NRG1: variants seen among roughly 807,000 people sequenced by gnomAD.
The protein encoded by NRG1 is pro-neuregulin-1, membrane-bound isoform.
Under a neutral mutation model 63.8 loss-of-function variants are expected in NRG1, and 18 were observed. That is an observed-to-expected ratio of 0.28 (90% CI 0.19 to 0.42). The LOEUF (loss-of-function observed/expected upper bound fraction) is 0.42, where lower values mean the gene tolerates loss of function less well. Ranked by LOEUF, NRG1 falls within the 10% of genes least tolerant of loss-of-function variation. The pLI is 1.00. For synonymous variants in NRG1, 302 were observed against 301.3 expected, an observed-to-expected ratio of 1.00 and a Z score of -0.02; for missense variants, 762 against 814.7, an observed-to-expected ratio of 0.94 and a Z score of 0.79.
intron 1 of NRG1, among the ~76,000 whole-genome samples, chr8:32,119,536 G>A (rs988789406): frequency 6.6e-6 from 1 of 152,068 alleles, no homozygotes; most frequent in Non-Finnish European, 1.5e-5. Context: ...TTGGGCTCAT[G>A]TTTAAACTAT....
intron 5 of NRG1, among the ~76,000 whole-genome samples, chr8:32,659,715 C>T (rs1378025400): frequency 6.6e-6 from 1 of 152,196 alleles, no homozygotes; most frequent in African/African-American, 2.4e-5. Context: ...TCTTCCCTAA[C>T]TCCAGCTGTC....
chr8:32,526,840 G>A (rs911861004), intron 1 of NRG1, among the ~76,000 whole-genome samples: 1 of 152,106 alleles, frequency 6.6e-6, no homozygotes, highest in African/African-American at 2.4e-5. Flanking sequence ...CTGACTCACA[G>A]GCTCCTTTGT....
chr8:32,028,850 A>G (rs919524399), intron 1 of NRG1, among the ~76,000 whole-genome samples: 3 of 152,212 alleles, frequency 2.0e-5, no homozygotes, highest in Non-Finnish European at 2.9e-5. Flanking sequence ...CAATTGATAC[A>G]TTTAATAACA....
intron 1 of NRG1, among the ~76,000 whole-genome samples, chr8:31,905,390 T>A (rs1315875159): frequency 6.6e-6 from 1 of 152,196 alleles, no homozygotes; most frequent in Non-Finnish European, 1.5e-5. Context: ...CACTTGAGTT[T>A]CTGGAGACAA....
intron 5 of NRG1, among the ~76,000 whole-genome samples, chr8:32,632,622 A>G (rs1414588793): frequency 6.6e-5 from 10 of 152,156 alleles, no homozygotes; most frequent in Admixed American, 4.6e-4. Flanking sequence ...ATAAGGATAA[A>G]AAATTCAGAT....
At chr8:31,898,667 G>A (rs979923801) in intron 1 of NRG1, among the ~76,000 whole-genome samples, 2 of 152,076 alleles carry the variant, frequency 1.3e-5, no homozygotes, top group African/African-American at 2.4e-5. Context: ...TTGCACCACT[G>A]CCCTCCAGCC....
intron 1 of NRG1, among the ~76,000 whole-genome samples, chr8:31,995,915 C>A (rs1226858792): frequency 6.6e-6 from 1 of 151,698 alleles, no homozygotes; most frequent in East Asian, 1.9e-4. Context: ...TCCTTTTTTT[C>A]TATTTCCGTA....
At chr8:32,013,110 G>A (rs1815008932) in intron 1 of NRG1, among the ~76,000 whole-genome samples, 1 of 152,006 alleles carries the variant, frequency 6.6e-6, no homozygotes. Context: ...GATGCCTGAT[G>A]GATAAACTAG....
chr8:32,466,887 G>A (rs1458653174), intron 1 of NRG1, among the ~76,000 whole-genome samples: 2 of 151,830 alleles, frequency 1.3e-5, no homozygotes, highest in African/African-American at 4.8e-5. Flanking sequence ...ATAAAAATAA[G>A]TAGAATGATA....
chr8:32,307,099 T>C (rs1005025582), intron 1 of NRG1, among the ~76,000 whole-genome samples: 1 of 152,140 alleles, frequency 6.6e-6, no homozygotes, highest in Non-Finnish European at 1.5e-5. Flanking sequence ...TAAAGTATCT[T>C]AAACCGCCCA....
At chr8:31,960,456 G>A (rs1388614711) in intron 1 of NRG1, among the ~76,000 whole-genome samples, 3 of 152,106 alleles carry the variant, frequency 2.0e-5, no homozygotes, top group Non-Finnish European at 2.9e-5. Context: ...GATGGCTTTC[G>A]GTCTCTGGCC....
chr8:32,233,565 T>TATATA (rs1563934722), intron 1 of NRG1, among the ~76,000 whole-genome samples: 50 of 19,582 alleles, frequency 2.6e-3, no homozygotes, highest in South Asian at 0.012. Context: ...ATATATATAT[T>TATATA]TTTTTTTTTT....
At chr8:32,502,907 T>G (rs1044223314) in intron 1 of NRG1, among the ~76,000 whole-genome samples, 2 of 152,178 alleles carry the variant, frequency 1.3e-5, no homozygotes, top group Admixed American at 1.3e-4. Flanking sequence ...TCTAGAGGCA[T>G]GTTTCCTAAC....
At chr8:32,447,605 C>G (rs76785101) in intron 1 of NRG1, among the ~76,000 whole-genome samples, 1 of 152,144 alleles carries the variant, frequency 6.6e-6, no homozygotes, top group East Asian at 1.9e-4. Flanking sequence ...GCAGTGGCTC[C>G]CACCTCTAAT....
chr8:32,067,339 G>T (rs568752678), intron 1 of NRG1, among the ~76,000 whole-genome samples: 1 of 152,060 alleles, frequency 6.6e-6, no homozygotes, highest in Admixed American at 6.6e-5. Flanking sequence ...CATAGACAGC[G>T]CTTATTATTT....
At chr8:32,072,438 C>G (rs115519469) in intron 1 of NRG1, among the ~76,000 whole-genome samples, 1,778 of 152,178 alleles carry the variant, frequency 0.012, 35 homozygotes, top group African/African-American at 0.041. Flanking sequence ...AACTCCATGT[C>G]TCCAAAAGAT....
At chr8:32,586,893 G>A (rs1399281383) in intron 1 of NRG1, among the ~76,000 whole-genome samples, 1 of 152,128 alleles carries the variant, frequency 6.6e-6, no homozygotes, top group Non-Finnish European at 1.5e-5. Flanking sequence ...GTCAATCAAT[G>A]GAGAAGAGCA....
chr8:31,705,679 T>G (rs1032757503), intron 1 of NRG1, among the ~76,000 whole-genome samples: 5 of 152,210 alleles, frequency 3.3e-5, no homozygotes, highest in Non-Finnish European at 7.3e-5. Flanking sequence ...TATTCTTGGC[T>G]TTCTTCCCAA....
At chr8:31,914,503 C>T (rs910691551) in intron 1 of NRG1, among the ~76,000 whole-genome samples, 4 of 151,622 alleles carry the variant, frequency 2.6e-5, no homozygotes, top group Non-Finnish European at 5.9e-5. Context: ...TAGCAACCTG[C>T]CTGGTGCCAG....
Sources: gnomAD v4.1 joint callset for allele counts (sites outside exome capture counted in the v4.1 genomes callset) on GRCh38, gnomAD v4.1.1 for gene constraint, MANE v1.5 for transcripts, NCBI Gene and HGNC (gene_info 2026-07-23, HGNC 2026-07-21) for gene names.